The following ALLC variants were observed in gnomAD, a reference collection of about 807,000 sequenced individuals.
The protein encoded by ALLC is probable inactive allantoicase.
ALLC carries 40 observed loss-of-function variants against 45.0 expected under a neutral mutation model. That is an observed-to-expected ratio of 0.89 (90% CI 0.69 to 1.16). The LOEUF (loss-of-function observed/expected upper bound fraction) is 1.16. ALLC is among the 50% of genes most tolerant of loss of function. The pLI is 0.00. For missense variants in ALLC, 488 were observed against 493.1 expected, an observed-to-expected ratio of 0.99 and a Z score of 0.10; for synonymous variants, 176 against 178.1, an observed-to-expected ratio of 0.99 and a Z score of 0.09.
chr2:3,678,434 G>A, intron 3 of ALLC, 34 bp from the exon 4 acceptor site: 1 of 1,551,308 alleles, frequency 6.4e-7, no homozygotes, highest in Non-Finnish European at 8.9e-7. Flanking sequence ...TCACATGAAT[G>A]TTAATGATCA....
At chr2:3,695,663 G>C in intron 7 of ALLC, 54 bp from the exon 8 acceptor site, 1 of 1,605,952 alleles carries the variant, frequency 6.2e-7, no homozygotes, top group Non-Finnish European at 8.5e-7. Context: ...TGTAGTGTAT[G>C]ATACACAAGC....
Position 3,680,313 on chromosome 2 carries a change from G to A in ALLC, c.298+319G>A, listed in dbSNP as rs1452173762. Among the ~76,000 whole-genome samples the A allele has an allele frequency of 6.6e-6, 1 of 152,174 alleles. No homozygotes were observed. Among genetic ancestry groups the A allele is most frequent in the Non-Finnish European group, 1.5e-5 (1 of 68,022 alleles). On this transcript the variant is annotated intron_variant, in intron 5 of 11. Transcript: ENST00000252505. This position sits in a 1 kb window ranked among gnomAD's most constrained non-coding sequence, Gnocchi z 4.0. ...GCTGGTGGGCGGGAGGGAGTGGTTTGTGCCTCAGATGACCCGGGTGATGTG... is the reference window on the plus strand; with the variant it reads ...GCTGGTGGGCGGGAGGGAGTGGTTTATGCCTCAGATGACCCGGGTGATGTG...
At chr2:3,690,113 A>T (rs551210537) in intron 7 of ALLC, among the ~76,000 whole-genome samples, 2 of 148,906 alleles carry the variant, frequency 1.3e-5, no homozygotes, top group African/African-American at 4.9e-5. Flanking sequence ...TGTAGGCAGC[A>T]TATAGTTGGG....
At chr2:3,690,515 A>G (rs1181904285) in intron 7 of ALLC, among the ~76,000 whole-genome samples, 2 of 142,254 alleles carry the variant, frequency 1.4e-5, no homozygotes, top group East Asian at 2.1e-4. Flanking sequence ...TTTCTCTGAT[A>G]GTATGTTTTA....
chr2:3,700,816 G>C (rs1411911195), intron 10 of ALLC, among the ~76,000 whole-genome samples: 2 of 152,196 alleles, frequency 1.3e-5, no homozygotes, highest in African/African-American at 2.4e-5. Context: ...CACAAAGGGG[G>C]CATGTGAGCC....
chr2:3,660,268 T>C (rs1200028026), intron 1 of ALLC, among the ~76,000 whole-genome samples: 1 of 152,160 alleles, frequency 6.6e-6, no homozygotes, highest in Non-Finnish European at 1.5e-5. Context: ...TCCCTTCACT[T>C]CCTACCAGGA....
intron 7 of ALLC, among the ~76,000 whole-genome samples, chr2:3,694,460 T>G (rs1667605032): frequency 6.6e-6 from 1 of 152,218 alleles, no homozygotes; most frequent in African/African-American, 2.4e-5. Flanking sequence ...GAAGAGTCAT[T>G]TCTGGGATTC....
At chr2:3,663,788 T>A (rs1666631637) in intron 1 of ALLC, among the ~76,000 whole-genome samples, 1 of 152,290 alleles carries the variant, frequency 6.6e-6, no homozygotes, top group Admixed American at 6.5e-5. Context: ...AAATAATGGA[T>A]CCTTTTCTAT....
chr2:3,655,666 C>T (rs1327676309), upstream of ALLC, among the ~76,000 whole-genome samples: 4 of 152,188 alleles, frequency 2.6e-5, no homozygotes, highest in East Asian at 1.9e-4. Flanking sequence ...CACTGTGTTG[C>T]CCAGGTTGGT....
chr2:3,662,955 T>C (rs1157589939), intron 1 of ALLC, among the ~76,000 whole-genome samples: 6 of 152,170 alleles, frequency 3.9e-5, no homozygotes, highest in African/African-American at 1.4e-4. Flanking sequence ...GAGCACTAGC[T>C]TCGGAGTCAG....
At chr2:3,697,509 G>T (rs908725524) in intron 10 of ALLC, 53 bp downstream of exon 10, 23 of 1,452,474 alleles carry the variant, frequency 1.6e-5, no homozygotes, top group South Asian at 1.0e-4. Context: ...TTATTCTAAA[G>T]ACTGAGTTCT....
intron 8 of ALLC, 125 bp from the exon 9 acceptor site, chr2:3,696,144 ATTAACT>A (rs1667664967): frequency 4.6e-6 from 4 of 873,138 alleles, no homozygotes; most frequent in Non-Finnish European, 6.9e-6. Flanking sequence ...TTACTGAAAC[ATTAACT>A]TTAATGAAAA....
At chr2:3,668,858 G>A (rs1666794936) in intron 1 of ALLC, among the ~76,000 whole-genome samples, 1 of 151,472 alleles carries the variant, frequency 6.6e-6, no homozygotes, top group African/African-American at 2.4e-5. Context: ...TTACAGGAGT[G>A]AGCCACCGCG....
rs575567913 is a variant in ALLC, at chr2:3,696,426, T to C, written c.741+78T>C. 12 of 1,302,330 alleles carry C rather than the reference T, an allele frequency of 9.2e-6. No homozygotes were observed. The Admixed American group carries it at 2.8e-4, about 30-fold the overall frequency. The allele number at this position is 1,302,330 out of a possible 1,614,324, so 80.7% of individuals were successfully genotyped here. A position where few individuals can be genotyped will look rare whatever the true frequency, so the allele number is the denominator to read the frequency against. On this transcript the variant is annotated intron_variant, in intron 9 of 11. Transcript: ENST00000252505. The stretch of plus-strand genomic sequence containing the variant: ...GGAACTTTTTCTTTTAAATAAACTT[T>C]TGCACATTTTAGAAACCTCATATGC...
At chr2:3,667,427 C>T (rs149127687) in intron 1 of ALLC, among the ~76,000 whole-genome samples, 5 of 152,304 alleles carry the variant, frequency 3.3e-5, no homozygotes, top group Non-Finnish European at 7.3e-5. Context: ...CCAACACTCC[C>T]GTGACACTCA....
At chr2:3,650,298 C>T in the ALLC span, among the ~76,000 whole-genome samples, 1 of 152,214 alleles carries the variant, frequency 6.6e-6, no homozygotes, top group African/African-American at 2.4e-5. Context: ...CACTGCTCCT[C>T]CTGGGGGCCG....
At chr2:3,674,051 T>A (rs1475387789) in intron 2 of ALLC, 24 bp from the exon 3 acceptor site, 1 of 834,918 alleles carries the variant, frequency 1.2e-6, no homozygotes, top group Non-Finnish European at 1.7e-6. Context: ...TGCTTTATCT[T>A]TCTTTCTTTC....
chr2:3,658,466 C>T lies in ALLC; in HGVS notation c.-63+172C>T, dbSNP rs1054963561. Among the ~76,000 whole-genome samples the T allele has an allele frequency of 6.6e-5, 10 of 152,264 alleles. No individual in the cohort carries two copies. The East Asian group carries it at 7.7e-4, about 12-fold the overall frequency. On this transcript the variant is annotated intron_variant, in intron 1 of 11. Transcript: ENST00000252505. ...TTGTGCCGTTGAACTGTGTTGGTAC[C>T]GGGCGTGGCCCAAACACCTGGAGGG...
intron 10 of ALLC, among the ~76,000 whole-genome samples, chr2:3,699,199 G>T (rs1387959801): frequency 6.6e-6 from 1 of 151,956 alleles, no homozygotes; most frequent in Non-Finnish European, 1.5e-5. Context: ...CTTCAATTAT[G>T]CCCCAGTGTC....
Sources: allele counts gnomAD v4.1 joint callset (sites outside exome capture counted in the v4.1 genomes callset), GRCh38; gene constraint gnomAD v4.1.1; non-coding constraint Gnocchi (gnomAD v3.1); transcripts MANE v1.5; gene names NCBI Gene and HGNC (gene_info 2026-07-23, HGNC 2026-07-21).